ZNF407: variants seen among roughly 807,000 people sequenced by gnomAD.
ZNF407 encodes zinc finger protein 407.
ZNF407 carries 17 observed loss-of-function variants against 131.2 expected under a neutral mutation model. The observed-to-expected ratio is 0.13, with a 90% CI of 0.09 to 0.19. The LOEUF (loss-of-function observed/expected upper bound fraction) is 0.19. ZNF407 is among the 10% of genes least tolerant of loss of function. The pLI, the probability that ZNF407 is intolerant of heterozygous loss-of-function variation, is 1.00. For synonymous variants in ZNF407, 1,156 were observed against 1,062.0 expected (o/e 1.09, Z -1.72); for missense variants, 2,681 against 2,830.6 (o/e 0.95, Z 1.20).
intron 1 of ZNF407, among the ~76,000 whole-genome samples, chr18:74,621,229 G>T (rs1418227561): frequency 7.9e-5 from 12 of 151,914 alleles, no homozygotes; most frequent in African/African-American, 2.9e-4. Context: ...TGTAAAATGG[G>T]GTATTCATCC....
At chr18:74,771,809 A>G (rs1468957785) in intron 3 of ZNF407, among the ~76,000 whole-genome samples, 3 of 151,818 alleles carry the variant, frequency 2.0e-5, no homozygotes, top group African/African-American at 4.8e-5. Flanking sequence ...TCTCTTCATC[A>G]TATAAGTATT....
intron 3 of ZNF407, among the ~76,000 whole-genome samples, chr18:74,644,939 A>T (rs1568143743): frequency 1.3e-5 from 2 of 151,688 alleles, no homozygotes; most frequent in South Asian, 4.1e-4. Context: ...CCTACCATCC[A>T]CTTTTATTTT....
rs192147626 is a variant in ZNF407 at position 74,937,880 on chromosome 18, T to A, written c.5428+17188T>A. On this transcript the variant is annotated intron_variant, in intron 8 of 8. Transcript: ENST00000299687. The stretch of plus-strand genomic sequence containing the variant: ...ATCAATCATTAAAATTTCACAGATA[T>A]TTTTCTGCTCCTAAATATATACCAT... Among the ~76,000 whole-genome samples, 105 of 152,276 alleles carry A rather than the reference T, an allele frequency of 6.9e-4. 2 individuals carry two copies. Among genetic ancestry groups the A allele is most frequent in the African/African-American group, 2.5e-3 (102 of 41,560 alleles).
At chr18:74,751,081 A>C (rs1657801173) in intron 3 of ZNF407, among the ~76,000 whole-genome samples, 1 of 151,890 alleles carries the variant, frequency 6.6e-6, no homozygotes, top group African/African-American at 2.4e-5. Flanking sequence ...TTGTCTTTTT[A>C]ATTTATTGAT....
intron 4 of ZNF407, among the ~76,000 whole-genome samples, chr18:74,813,772 T>C (rs1970231546): frequency 1.3e-5 from 2 of 152,186 alleles, no homozygotes; most frequent in Non-Finnish European, 2.9e-5. Flanking sequence ...CTCAGTATCT[T>C]GAAGGACGTG....
At chr18:74,766,547 A>C (rs879341710) in intron 3 of ZNF407, among the ~76,000 whole-genome samples, 2 of 152,148 alleles carry the variant, frequency 1.3e-5, no homozygotes, top group Non-Finnish European at 2.9e-5. Context: ...AACCAGCTAC[A>C]TCTAGGGAAG....
intron 8 of ZNF407, among the ~76,000 whole-genome samples, chr18:74,926,856 A>T (rs980846965): frequency 6.6e-6 from 1 of 152,210 alleles, no homozygotes; most frequent in Non-Finnish European, 1.5e-5. Context: ...CTTTTTAAGA[A>T]TAACTATATG....
At chr18:74,940,310 G>C (rs1599255098) in intron 8 of ZNF407, among the ~76,000 whole-genome samples, 1 of 152,128 alleles carries the variant, frequency 6.6e-6, no homozygotes, top group Admixed American at 6.5e-5. Context: ...CTTTGCGGGG[G>C]CACTGAGGGC....
intron 4 of ZNF407, among the ~76,000 whole-genome samples, chr18:74,802,484 A>G (rs1261936074): frequency 6.6e-6 from 1 of 152,190 alleles, no homozygotes; most frequent in East Asian, 1.9e-4. Context: ...AATGTGTGGT[A>G]GTTGTTTTGT....
chr18:74,980,181 C>T (rs1168921293), intron 8 of ZNF407, among the ~76,000 whole-genome samples: 1 of 151,730 alleles, frequency 6.6e-6, no homozygotes, highest in Admixed American at 6.6e-5. Flanking sequence ...TAAGTAAATC[C>T]TTTGTAAACG....
chr18:74,675,512 C>G (rs1213391167), intron 3 of ZNF407, among the ~76,000 whole-genome samples: 1 of 152,144 alleles, frequency 6.6e-6, no homozygotes, highest in African/African-American at 2.4e-5. Context: ...AGACAGGCAT[C>G]TAAAATAAGT....
At chr18:74,744,441 T>G (rs1968620709) in intron 3 of ZNF407, among the ~76,000 whole-genome samples, 1 of 152,174 alleles carries the variant, frequency 6.6e-6, no homozygotes, top group East Asian at 1.9e-4. Context: ...GGATAGTTTT[T>G]CATTTTTATT....
intron 3 of ZNF407, among the ~76,000 whole-genome samples, chr18:74,679,589 C>G (rs1292413727): frequency 1.3e-5 from 2 of 152,238 alleles, no homozygotes; most frequent in East Asian, 1.9e-4. Context: ...TCTGTATCCT[C>G]AAGTATCTGC....
chr18:74,676,730 G>A (rs193259334), intron 3 of ZNF407, among the ~76,000 whole-genome samples: 92 of 152,246 alleles, frequency 6.0e-4, no homozygotes, highest in Non-Finnish European at 4.7e-4. Flanking sequence ...CACTGTGCCC[G>A]GCCAGTATTT....
chr18:74,729,955 C>T (rs1034143715), intron 3 of ZNF407, among the ~76,000 whole-genome samples: 15 of 152,172 alleles, frequency 9.9e-5, no homozygotes, highest in Admixed American at 1.3e-4. Flanking sequence ...TGAACAGCTT[C>T]TTAAAAGGTG....
chr18:74,685,683 A>C (rs867182151), intron 3 of ZNF407, among the ~76,000 whole-genome samples: 1 of 152,124 alleles, frequency 6.6e-6, no homozygotes, highest in Non-Finnish European at 1.5e-5. Context: ...TATGTGGCGC[A>C]TGCTCTCTCC....
chr18:74,750,842 G>A (rs1365332206), intron 3 of ZNF407, among the ~76,000 whole-genome samples: 3 of 152,056 alleles, frequency 2.0e-5, no homozygotes, highest in Non-Finnish European at 4.4e-5. Context: ...TCCTCAACAA[G>A]ACTTGTTGTT....
intron 4 of ZNF407, among the ~76,000 whole-genome samples, chr18:74,823,702 A>G (rs1970372571): frequency 6.6e-6 from 1 of 152,242 alleles, no homozygotes; most frequent in African/African-American, 2.4e-5. Flanking sequence ...GAACACCCAG[A>G]TTCATAAAGC....
intron 1 of ZNF407, among the ~76,000 whole-genome samples, chr18:74,607,581 G>A (rs866740061): frequency 6.6e-6 from 1 of 152,168 alleles, no homozygotes; most frequent in East Asian, 1.9e-4. Flanking sequence ...GGCCATTGAC[G>A]GGGCTGGGTT....
Sources: allele counts gnomAD v4.1 joint callset (sites outside exome capture counted in the v4.1 genomes callset), GRCh38; gene constraint gnomAD v4.1.1; transcripts MANE v1.5; gene names NCBI Gene and HGNC (gene_info 2026-07-23, HGNC 2026-07-21).